Variants in ERCC6L2 observed in about 807,000 individuals in gnomAD.
ERCC6L2 encodes DNA excision repair protein ERCC-6-like 2.
ERCC6L2 carries 77 observed loss-of-function variants against 132.0 expected under a neutral mutation model. The observed-to-expected ratio is 0.58, with a 90% CI of 0.49 to 0.71. ERCC6L2 has a LOEUF of 0.71. Among genes scored for constraint, ERCC6L2 ranks in the 30% least tolerant of loss-of-function variants. The pLI, the probability that ERCC6L2 is intolerant of heterozygous loss-of-function variation, is 0.00. For missense variants in ERCC6L2, 1,542 were observed against 1,837.6 expected (o/e 0.84, Z 2.94); for synonymous variants, 583 against 632.4 (o/e 0.92, Z 1.17).
chr9:95,953,343 G>A lies in ERCC6L2; in HGVS notation c.1848-2571G>A, dbSNP rs370399081. Among the ~76,000 whole-genome samples the A allele has an allele frequency of 4.5e-3, 688 of 152,252 alleles. 7 individuals carry two copies. The highest frequency in any genetic ancestry group is 0.015 in the African/African-American group (638 of 41,544). On this transcript the variant is annotated intron_variant, in intron 12 of 18. Transcript: ENST00000653738. ...TGTAATCCCAGCACTTTGGGAGGCC[G>A]AGGCAGGCGGATCATGAGATCAGGA...
intron 19 of ERCC6L2, among the ~76,000 whole-genome samples, chr9:96,029,127 AC>A (rs1344962230): frequency 6.6e-6 from 1 of 151,898 alleles, no homozygotes; most frequent in Admixed American, 6.6e-5. Context: ...ACATGGTGAA[AC>A]CCCGTCTCTA....
At chr9:95,964,355 A>G (rs1020833545) in intron 13 of ERCC6L2, among the ~76,000 whole-genome samples, 2 of 151,896 alleles carry the variant, frequency 1.3e-5, no homozygotes, top group Admixed American at 1.3e-4. Flanking sequence ...TGCTCCCATC[A>G]TTCTTTTTGC....
At position 96,012,560 on chromosome 9, in the gene ERCC6L2, T is replaced by G. The variant is rs942231272; in HGVS notation, c.4010T>G (p.Val1337Gly). 1 of 1,367,274 alleles carries G rather than the reference T, an allele frequency of 7.3e-7. No individual in the cohort carries two copies. The highest frequency in any genetic ancestry group is 9.8e-7 in the Non-Finnish European group (1 of 1,021,738). 84.7% of individuals were successfully genotyped at this position (1,367,274 alleles called of 1,614,324 possible). A position where few individuals can be genotyped will look rare whatever the true frequency, so the allele number is the denominator to read the frequency against. Residue 1337 changes from valine to glycine, a missense_variant, in exon 19 of 19, where the codon GTT becomes GGT. Physicochemically the swap from Val to Gly is moderately radical, Grantham distance 109. Transcript: ENST00000653738. ...CTAAAAACATATAAAAGAAAATCAG[T>G]TAAGTTTCAGAATCATATTTCCTAT... ...CSLKTYKRKSVKFQNHISYRE... is the reference protein window; with the variant it reads ...CSLKTYKRKSGKFQNHISYRE...
At chr9:96,011,648 A>G (rs1165829899) in intron 18 of ERCC6L2, among the ~76,000 whole-genome samples, 1 of 152,232 alleles carries the variant, frequency 6.6e-6, no homozygotes. Context: ...TCCTTAGCTT[A>G]GGTGTCCATG....
At chr9:95,891,665 A>G (rs376350154) in intron 2 of ERCC6L2, among the ~76,000 whole-genome samples, 28 of 151,662 alleles carry the variant, frequency 1.8e-4, no homozygotes, top group African/African-American at 6.3e-4. Context: ...CCTACCAACA[A>G]TTGTCCAGGT....
chr9:95,945,651 G>T (rs910158999), intron 12 of ERCC6L2, among the ~76,000 whole-genome samples: 2 of 152,228 alleles, frequency 1.3e-5, no homozygotes, highest in Non-Finnish European at 2.9e-5. Flanking sequence ...AAATGTCCAT[G>T]AAATCTTCAC....
At chr9:95,975,945 T>C (rs187838661) in intron 16 of ERCC6L2, among the ~76,000 whole-genome samples, 2 of 152,286 alleles carry the variant, frequency 1.3e-5, no homozygotes, top group East Asian at 3.9e-4. Context: ...CTGATTTACG[T>C]TGATTCATGT....
chr9:95,958,142 C>G (rs1300341295), intron 13 of ERCC6L2, among the ~76,000 whole-genome samples: 1 of 149,706 alleles, frequency 6.7e-6, no homozygotes, highest in Non-Finnish European at 1.5e-5. Context: ...GTTTTTTGTT[C>G]TTGCGATAGT....
chr9:95,970,494 G>A (rs1379217829), intron 14 of ERCC6L2, 82 bp from the exon 15 acceptor site: 11 of 692,974 alleles, frequency 1.6e-5, no homozygotes, highest in Non-Finnish European at 2.0e-5. Context: ...TCCAAGAATA[G>A]CATGCATTGC....
chr9:95,915,853 A>C (rs1337861662), intron 5 of ERCC6L2, 24 bp downstream of exon 5: 1 of 1,568,454 alleles, frequency 6.4e-7, no homozygotes, highest in African/African-American at 1.4e-5. Flanking sequence ...CTTTTTAAAA[A>C]ATTGTTTAAT....
chr9:96,007,863 AG>A (rs1833910252), intron 18 of ERCC6L2, among the ~76,000 whole-genome samples: 1 of 152,168 alleles, frequency 6.6e-6, no homozygotes, highest in African/African-American at 2.4e-5. Context: ...TTCTGGGGGC[AG>A]TGGGAAATGT....
At chr9:96,021,109 C>T, downstream of ERCC6L2, 1 of 419,482 alleles carries the variant, frequency 2.4e-6, no homozygotes, top group Non-Finnish European at 4.8e-6. This position sits in a 1 kb window ranked among gnomAD's most constrained non-coding sequence, Gnocchi z 4.7. Context: ...CCCTCGCGCC[C>T]ATTACTCTCA....
chr9:95,915,280 T>C (rs983166514), intron 4 of ERCC6L2, among the ~76,000 whole-genome samples: 9 of 152,184 alleles, frequency 5.9e-5, no homozygotes, highest in African/African-American at 2.2e-4. Flanking sequence ...GAATACAGCT[T>C]TTAAAAATCA....
intron 12 of ERCC6L2, among the ~76,000 whole-genome samples, chr9:95,948,610 C>G (rs114174328): frequency 0.018 from 2,716 of 151,854 alleles, 87 homozygotes; most frequent in African/African-American, 0.061. Context: ...GGCAGCATAC[C>G]CAGGCAGGAT....
chr9:96,023,241 A>T (rs1462773703), downstream of ERCC6L2, among the ~76,000 whole-genome samples: 1 of 152,090 alleles, frequency 6.6e-6, no homozygotes, highest in Non-Finnish European at 1.5e-5. Context: ...CAGGGAAGGG[A>T]TTTATGATTA....
intron 12 of ERCC6L2, among the ~76,000 whole-genome samples, chr9:95,942,376 A>G (rs1217664934): frequency 6.6e-6 from 1 of 152,194 alleles, no homozygotes. Context: ...AAAGGTGAAA[A>G]ACAGACATTG....
chr9:95,933,550 A>G (rs1261477919), intron 11 of ERCC6L2, among the ~76,000 whole-genome samples: 2 of 152,162 alleles, frequency 1.3e-5, no homozygotes, highest in Non-Finnish European at 2.9e-5. Context: ...TGCTTATAGA[A>G]GTCTTCAGAA....
chr9:95,977,092 T>C (rs1237227423), intron 16 of ERCC6L2, among the ~76,000 whole-genome samples: 3 of 152,190 alleles, frequency 2.0e-5, no homozygotes, highest in Admixed American at 6.5e-5. Context: ...TTGTTTTTAC[T>C]GTGTAAAAGG....
intron 7 of ERCC6L2, among the ~76,000 whole-genome samples, 169 bp from the exon 8 acceptor site, chr9:95,922,136 C>T (rs1002561174): frequency 3.3e-5 from 5 of 152,176 alleles, no homozygotes; most frequent in Admixed American, 3.3e-4. Context: ...TATGCTTCCA[C>T]ATTAGCTATT....
Sources: allele counts gnomAD v4.1 joint callset (sites outside exome capture counted in the v4.1 genomes callset), GRCh38; gene constraint gnomAD v4.1.1; non-coding constraint Gnocchi (gnomAD v3.1); transcripts MANE v1.5; gene names NCBI Gene and HGNC (gene_info 2026-07-23, HGNC 2026-07-21).